ARB2A: variants seen among roughly 807,000 people sequenced by gnomAD.
ARB2A encodes ARB2 cotranscriptional regulator A.
At chr5:93,688,602 T>C in the ARB2A span, among the ~76,000 whole-genome samples, 1 of 152,338 alleles carries the variant, frequency 6.6e-6, no homozygotes, top group East Asian at 1.9e-4. Flanking sequence ...TTTATTTATA[T>C]AATAATCTCT....
At chr5:93,881,397 C>A in the ARB2A span, 2 of 1,124,696 alleles carry the variant, frequency 1.8e-6, no homozygotes, top group East Asian at 2.7e-5. Flanking sequence ...TGAAGAAAAA[C>A]AAAACAATCT....
the ARB2A span, among the ~76,000 whole-genome samples, chr5:93,903,154 T>C: frequency 6.6e-6 from 1 of 152,132 alleles, no homozygotes; most frequent in Non-Finnish European, 1.5e-5. Flanking sequence ...TAAATGTTTC[T>C]TTATACACCA....
the ARB2A span, among the ~76,000 whole-genome samples, chr5:93,933,767 G>T: frequency 1.3e-5 from 2 of 152,048 alleles, no homozygotes; most frequent in Non-Finnish European, 2.9e-5. Flanking sequence ...AAACCTGCAT[G>T]TTCCGCACAT....
chr5:94,071,307 G>A, the ARB2A span, among the ~76,000 whole-genome samples: 5 of 152,024 alleles, frequency 3.3e-5, no homozygotes, highest in Non-Finnish European at 7.4e-5. Flanking sequence ...AGAATGCATA[G>A]GAGAAAACCT....
chr5:93,866,404 T>C, the ARB2A span, among the ~76,000 whole-genome samples: 42 of 152,270 alleles, frequency 2.8e-4, 1 homozygote, highest in African/African-American at 9.9e-4. Context: ...ATTGGGCACT[T>C]ATACCTTTCC....
At chr5:93,976,454 C>T in the ARB2A span, among the ~76,000 whole-genome samples, 1 of 152,156 alleles carries the variant, frequency 6.6e-6, no homozygotes, top group East Asian at 1.9e-4. Context: ...GTTTGTTTGG[C>T]TCTCTGTCCC....
chr5:94,052,405 G>T, the ARB2A span, among the ~76,000 whole-genome samples: 1 of 152,162 alleles, frequency 6.6e-6, no homozygotes, highest in African/African-American at 2.4e-5. Context: ...AGTACACGAT[G>T]ACTGTCACCA....
the ARB2A span, among the ~76,000 whole-genome samples, chr5:93,797,965 G>A: frequency 1.3e-5 from 2 of 152,050 alleles, no homozygotes; most frequent in African/African-American, 4.8e-5. Context: ...CTGAAGGGAG[G>A]AGAGTGAATG....
chr5:93,625,767 A>G, the ARB2A span, among the ~76,000 whole-genome samples: 2 of 152,366 alleles, frequency 1.3e-5, no homozygotes, highest in South Asian at 2.1e-4. Flanking sequence ...TTTAAGAAAA[A>G]GTGCCTTGTA....
the ARB2A span, among the ~76,000 whole-genome samples, chr5:93,691,476 G>C: frequency 1.3e-5 from 2 of 151,884 alleles, no homozygotes; most frequent in South Asian, 4.2e-4. Context: ...CAAGATTAGA[G>C]AAAAAAGAAT....
At chr5:93,670,715 A>G in the ARB2A span, among the ~76,000 whole-genome samples, 2 of 152,250 alleles carry the variant, frequency 1.3e-5, no homozygotes, top group Non-Finnish European at 2.9e-5. Context: ...ATGAGAACTT[A>G]CAAACATAAT....
chr5:93,881,670 C>T, the ARB2A span: 1 of 1,571,564 alleles, frequency 6.4e-7, no homozygotes, highest in Non-Finnish European at 8.6e-7. Context: ...GGATTTAGTA[C>T]TATTACTCCA....
At chr5:93,820,062 T>C in the ARB2A span, among the ~76,000 whole-genome samples, 1 of 152,058 alleles carries the variant, frequency 6.6e-6, no homozygotes, top group Non-Finnish European at 1.5e-5. Flanking sequence ...AATAATAACA[T>C]GGAAAAGGAA....
At chr5:93,971,424 A>T in the ARB2A span, among the ~76,000 whole-genome samples, 1 of 151,856 alleles carries the variant, frequency 6.6e-6, no homozygotes. Context: ...AAAATTAGCC[A>T]GGCATGGTGG....
At chr5:93,621,734 C>G in the ARB2A span, among the ~76,000 whole-genome samples, 1 of 152,236 alleles carries the variant, frequency 6.6e-6, no homozygotes, top group Non-Finnish European at 1.5e-5. Flanking sequence ...ATTACCTCAG[C>G]TAGGTCACTG....
At chr5:93,863,890 TA>T in the ARB2A span, 1 of 152,076 alleles carries the variant, frequency 6.6e-6, no homozygotes, top group Non-Finnish European at 1.5e-5. Context: ...TTTAGAGTCT[TA>T]AAAAAGTATT....
chr5:93,645,653 A>C, the ARB2A span, among the ~76,000 whole-genome samples: 20 of 152,260 alleles, frequency 1.3e-4, no homozygotes, highest in South Asian at 3.7e-3. Context: ...ATGCAACCCC[A>C]AGACACTAAA....
At chr5:93,916,820 C>T in the ARB2A span, among the ~76,000 whole-genome samples, 1 of 152,060 alleles carries the variant, frequency 6.6e-6, no homozygotes, top group Non-Finnish European at 1.5e-5. Flanking sequence ...CAAGGAAAGC[C>T]TTCACTTTTC....
chr5:93,635,016 C>T, the ARB2A span, among the ~76,000 whole-genome samples: 7 of 152,176 alleles, frequency 4.6e-5, no homozygotes, highest in East Asian at 3.9e-4. Flanking sequence ...TCAGGTGATC[C>T]GCCCGTTCTG....
Sources: allele counts gnomAD v4.1 joint callset (sites outside exome capture counted in the v4.1 genomes callset), GRCh38; gene constraint gnomAD v4.1.1; transcripts MANE v1.5; gene names NCBI Gene and HGNC (gene_info 2026-07-23, HGNC 2026-07-21).